Variants in ZZEF1 observed in about 807,000 individuals in gnomAD.
ZZEF1 encodes the protein zinc finger ZZ-type and EF-hand domain containing 1.
A neutral mutation model predicts 342.8 loss-of-function variants in ZZEF1; 157 were observed. That is an observed-to-expected ratio of 0.46 (90% CI 0.40 to 0.52). The LOEUF (loss-of-function observed/expected upper bound fraction) is 0.52. ZZEF1 is among the 20% of genes least tolerant of loss of function. ZZEF1 has a pLI of 0.00. For synonymous variants in ZZEF1, 1,505 were observed against 1,429.1 expected, an observed-to-expected ratio of 1.05 and a Z score of -1.20; for missense variants, 3,480 against 3,725.6, an observed-to-expected ratio of 0.93 and a Z score of 1.72.
intron 6 of ZZEF1, among the ~76,000 whole-genome samples, chr17:4,108,158 A>G (rs368828357): frequency 1.6e-4 from 24 of 152,360 alleles, no homozygotes; most frequent in African/African-American, 5.5e-4. Context: ...TATTTATTTT[A>G]CAATGGAAAA....
At chr17:4,028,600 A>G (rs556535328) in intron 42 of ZZEF1, among the ~76,000 whole-genome samples, 1 of 152,290 alleles carries the variant, frequency 6.6e-6, no homozygotes, top group South Asian at 2.1e-4. Flanking sequence ...ACTGCAATAA[A>G]TGTAAATGGT....
chr17:4,142,791 G>A lies in ZZEF1; in HGVS notation c.105C>T (p.Pro35=), dbSNP rs1251742196. ...GCGCTGGAGCCGCGACGCCCGGGCC[G>A]GGGGTCGTGCCCGAGACCGCGGCCC... ...QDWAAVSGTT[P]GPGVAAPALP... is the part of the protein sequence containing the mutation. The change falls in exon 1 of 55, where the codon CCC becomes CCT. Residue 35 remains proline, a synonymous_variant. Coordinates refer to ENST00000381638, the MANE Select transcript of ZZEF1 (RefSeq NM_015113.4). 7 of 1,414,926 alleles carry A rather than the reference G, an allele frequency of 4.9e-6. No homozygotes were observed. Among genetic ancestry groups the A allele is most frequent in the East Asian group, 3.0e-5 (1 of 33,862 alleles). 87.6% of individuals were successfully genotyped at this position (1,414,926 alleles called of 1,614,324 possible).
At chr17:4,053,290 C>A (rs1466793842) in intron 34 of ZZEF1, among the ~76,000 whole-genome samples, 1 of 152,180 alleles carries the variant, frequency 6.6e-6, no homozygotes, top group Non-Finnish European at 1.5e-5. Context: ...CTTAGTTGGG[C>A]AAACATTTCA....
Position 4,008,945 on chromosome 17 carries a change from C to T in ZZEF1, c.8743G>A (p.Val2915Met), listed in dbSNP as rs998761250. 9.1e-5 allele frequency: 140 copies of T among 1,541,346 alleles called. No individual in the cohort carries two copies. Among genetic ancestry groups the T allele is most frequent in the Non-Finnish European group, 1.1e-4 (127 of 1,147,190 alleles). The part of the protein sequence containing the change: ...VTENRAQELG[V>M]LQDYLLALTT... ...AGGGCCAGCAGGTAATCCTGCAGCA[C>T]GCCAAGCTCCTGCAGAGAGAGAGCA... The change falls in exon 54 of 55, where the codon GTG (valine) becomes ATG (methionine). Residue 2915 changes from valine (V) to methionine (M), a missense_variant. Physicochemically the swap from Val to Met is conservative, Grantham distance 21. This residue lies in a region of ZZEF1 where 1,269 missense variants were observed against 1,342.4 expected (regional missense o/e 0.95). Transcript: ENST00000381638. This position sits in a 1 kb window ranked among gnomAD's most constrained non-coding sequence, Gnocchi z 4.2.
At chr17:4,081,248 A>C (rs1393852593) in intron 18 of ZZEF1, 128 bp downstream of exon 18, 1 of 795,628 alleles carries the variant, frequency 1.3e-6, no homozygotes, top group Non-Finnish European at 2.1e-6. Context: ...AAACAACAAC[A>C]ACAACAGAAA....
At chr17:4,024,544 C>T (rs980200996) in intron 43 of ZZEF1, among the ~76,000 whole-genome samples, 4 of 152,128 alleles carry the variant, frequency 2.6e-5, no homozygotes, top group Non-Finnish European at 4.4e-5. Flanking sequence ...CTCCAACTGT[C>T]AAACCTGTTG....
rs756223944 is a variant in ZZEF1 at position 4,017,389 on chromosome 17, T to G, written c.7983A>C (p.Glu2661Asp). 3.8e-6 allele frequency: 6 copies of G among 1,599,162 alleles called. No homozygotes were observed. Among genetic ancestry groups the G allele is most frequent in the Non-Finnish European group, 5.1e-6 (6 of 1,168,932 alleles). The change falls in exon 48 of 55, where the codon GAA (glutamate) becomes GAC (aspartate). Residue 2661 changes from glutamate to aspartate, a missense_variant. Physicochemically the swap from Glu to Asp is conservative, Grantham distance 45 (BLOSUM62 2). This residue lies in a region of ZZEF1 where 1,269 missense variants were observed against 1,342.4 expected (regional missense o/e 0.95). Coordinates refer to ENST00000381638, the MANE Select transcript of ZZEF1 (RefSeq NM_015113.4). This position sits in a 1 kb window ranked among gnomAD's most constrained non-coding sequence, Gnocchi z 5.1. ...TAACTACCTTCTCCCACTCATGCTTTTCTTCCAGCTGCATGAACATATCCA... is the reference window on the plus strand; with the variant it reads ...TAACTACCTTCTCCCACTCATGCTTGTCTTCCAGCTGCATGAACATATCCA... ...YILDMFMQLE[E>D]KHEWEKILQK...
Position 4,050,853 on chromosome 17 carries a change from T to A in ZZEF1, c.5791A>T (p.Ser1931Cys), listed in dbSNP as rs916005477. The change falls in exon 36 of 55, where the codon AGT (serine) becomes TGT (cysteine). Residue 1931 changes from serine (S) to cysteine (C), a missense_variant. Coordinates refer to ENST00000381638, the MANE Select transcript of ZZEF1 (RefSeq NM_015113.4). ...CACTGGCTCCGCAGGGTGGTGGCAC[T>A]GCTGCGCGTCTGGGGGTCCAGCTTC... ...GEKLDPQTRS[S>C]ATTLRSQCMQ... 6 of 1,614,082 alleles carry A rather than the reference T, an allele frequency of 3.7e-6. No homozygotes were observed. In the African/African-American group the frequency reaches 8.0e-5, roughly 22 times the overall value.
At chr17:4,110,742 GCT>G (rs2058282878) in intron 5 of ZZEF1, among the ~76,000 whole-genome samples, 1 of 124,760 alleles carries the variant, frequency 8.0e-6, no homozygotes, top group South Asian at 2.5e-4. Flanking sequence ...ATGGAGTCTT[GCT>G]CTGTTCACCC....
At chr17:4,088,964 G>T (rs1160279499) in intron 12 of ZZEF1, 71 bp from the exon 13 acceptor site, 3 of 1,455,914 alleles carry the variant, frequency 2.1e-6, no homozygotes, top group Non-Finnish European at 2.8e-6. Context: ...AGGGAAAAAG[G>T]CCTTTCCGGG....
At chr17:4,127,354 G>A (rs1000119574) in intron 1 of ZZEF1, among the ~76,000 whole-genome samples, 3 of 152,158 alleles carry the variant, frequency 2.0e-5, no homozygotes, top group Admixed American at 1.3e-4. Context: ...GAGGAGAAAA[G>A]GGCGACAGCA....
intron 1 of ZZEF1, among the ~76,000 whole-genome samples, chr17:4,134,244 A>G (rs2058712768): frequency 6.6e-6 from 1 of 151,226 alleles, no homozygotes; most frequent in African/African-American, 2.4e-5. Flanking sequence ...GCTTGAACCT[A>G]GGAGGTCAAG....
At position 4,122,863 on chromosome 17, in the gene ZZEF1, T is replaced by C. The variant is rs1597925323; in HGVS notation, c.499+1044A>G. 3.3e-5 allele frequency among the ~76,000 whole-genome samples: 5 copies of C among 151,986 alleles called. No individual in the cohort carries two copies. In the South Asian group the frequency reaches 1.0e-3, roughly 31 times the overall value. ...AGGAGCCACATTCACCTAATTTTTA[T>C]TTTACTATATTGTTATAATCATTCT... On this transcript the variant is annotated intron_variant, in intron 2 of 54. Coordinates refer to ENST00000381638, the MANE Select transcript of ZZEF1 (RefSeq NM_015113.4).
In ZZEF1 at chr17:4,014,077, C is replaced by G; in HGVS notation, c.8413+13G>C. On this transcript the variant is annotated intron_variant, in intron 51 of 54. Coordinates refer to ENST00000381638, the MANE Select transcript of ZZEF1 (RefSeq NM_015113.4). This position sits in a 1 kb window ranked among gnomAD's most constrained non-coding sequence, Gnocchi z 4.4. ...CAGGCAGATGGTGTGAACGCAAAGC[C>G]CAGAGCACACACCTGTCTGGAACCG... 7 of 1,613,324 alleles carry G rather than the reference C, an allele frequency of 4.3e-6. No homozygotes were observed. Among genetic ancestry groups the G allele is most frequent in the Non-Finnish European group, 5.9e-6 (7 of 1,179,418 alleles).
Position 4,014,878 on chromosome 17 carries a change from T to C in ZZEF1, c.8146-363A>G, listed in dbSNP as rs1388259170. 1.3e-5 allele frequency among the ~76,000 whole-genome samples: 2 copies of C among 152,108 alleles called. No homozygotes were observed. Among genetic ancestry groups the C allele is most frequent in the African/African-American group, 4.8e-5 (2 of 41,412 alleles). On this transcript the variant is annotated intron_variant, in intron 49 of 54. Coordinates refer to ENST00000381638, the MANE Select transcript of ZZEF1 (RefSeq NM_015113.4). This position sits in a 1 kb window ranked among gnomAD's most constrained non-coding sequence, Gnocchi z 4.4. ...ACAGCCCTGTGAAGGTCTAGCATGT[T>C]CAGGGAATGGCAAGGAGCTTGGCGT...
At chr17:4,086,939 G>A (rs1288858235) in intron 14 of ZZEF1, among the ~76,000 whole-genome samples, 5 of 152,190 alleles carry the variant, frequency 3.3e-5, no homozygotes, top group Admixed American at 1.3e-4. Context: ...CTGGAGTGCA[G>A]TGGTGTGATC....
intron 38 of ZZEF1, among the ~76,000 whole-genome samples, chr17:4,043,268 AG>A: frequency 6.6e-6 from 1 of 152,294 alleles, no homozygotes; most frequent in East Asian, 1.9e-4. Context: ...GGAGCATGGC[AG>A]GTACTTAATA....
intron 9 of ZZEF1, among the ~76,000 whole-genome samples, chr17:4,098,350 T>G (rs900015927): frequency 1.3e-5 from 2 of 151,888 alleles, no homozygotes; most frequent in East Asian, 3.9e-4. Flanking sequence ...AGGTGGAGGT[T>G]GCAGTGAGCT....
intron 41 of ZZEF1, 146 bp from the exon 42 acceptor site, chr17:4,032,404 G>A (rs2056568493): frequency 2.2e-6 from 2 of 924,698 alleles, no homozygotes; most frequent in Admixed American, 6.2e-5. Flanking sequence ...TAAGTCCAAA[G>A]AGTCTGCCAC....
Sources: allele counts gnomAD v4.1 joint callset (sites outside exome capture counted in the v4.1 genomes callset), GRCh38; gene constraint gnomAD v4.1.1; regional missense constraint gnomAD v4.1.1; non-coding constraint Gnocchi (gnomAD v3.1); transcripts MANE v1.5; gene names NCBI Gene and HGNC (gene_info 2026-07-23, HGNC 2026-07-21).